Variants in CAMTA1 observed in about 807,000 individuals in gnomAD.
CAMTA1 encodes calmodulin binding transcription activator 1.
CAMTA1 carries 27 observed loss-of-function variants against 170.9 expected under a neutral mutation model. The observed-to-expected ratio is 0.16, with a 90% CI of 0.12 to 0.22. CAMTA1 has a LOEUF of 0.22. Among genes scored for constraint, CAMTA1 ranks in the 10% least tolerant of loss-of-function variants. The pLI is 1.00. For missense variants in CAMTA1, 1,619 were observed against 2,217.2 expected (o/e 0.73, Z 5.42); for synonymous variants, 833 against 891.5 (o/e 0.93, Z 1.17).
At chr1:7,552,889 C>T (rs569317397) in intron 6 of CAMTA1, among the ~76,000 whole-genome samples, 1 of 152,294 alleles carries the variant, frequency 6.6e-6, no homozygotes, top group East Asian at 1.9e-4. Flanking sequence ...CACGGAGAGC[C>T]TCTTACCCTG....
chr1:6,792,037 T>C (rs891650164), intron 1 of CAMTA1, among the ~76,000 whole-genome samples: 3 of 151,806 alleles, frequency 2.0e-5, no homozygotes, highest in Admixed American at 6.6e-5. Flanking sequence ...CCCTGCAACC[T>C]CCGCCTTCCA....
intron 5 of CAMTA1, among the ~76,000 whole-genome samples, chr1:7,445,775 C>T (rs1348736478): frequency 2.6e-5 from 4 of 152,304 alleles, no homozygotes; most frequent in East Asian, 3.9e-4. Flanking sequence ...TCTTCCTAAG[C>T]GATGAACATC....
chr1:7,357,104 G>T (rs955013745), intron 5 of CAMTA1, among the ~76,000 whole-genome samples: 22 of 152,222 alleles, frequency 1.4e-4, no homozygotes, highest in African/African-American at 4.8e-4. Flanking sequence ...GACCCTACTG[G>T]TGCTCTGGTG....
Position 7,664,341 on chromosome 1 carries a change from C to G in CAMTA1, c.1794C>G (p.Ser598Arg). 3 of 1,613,620 alleles carry G rather than the reference C, an allele frequency of 1.9e-6. No individual in the cohort carries two copies. Among genetic ancestry groups the G allele is most frequent in the Non-Finnish European group, 2.5e-6 (3 of 1,180,034 alleles). Reference protein sequence around the residue: ...AIDSNKDYTSSFSQTGHSPHI... With the variant: ...AIDSNKDYTSRFSQTGHSPHI... ...ACTCCAACAAGGACTACACGTCCAG[C>G]TTCAGCCAGACGGGCCACAGCCCCC... The change falls in exon 9 of 23, where the codon AGC becomes AGG. Residue 598 changes from serine to arginine, a missense_variant. By Grantham distance (110) the Ser-to-Arg change is moderately radical. Around this residue, in one of 8 missense-constraint regions of CAMTA1, gnomAD observed 731 missense variants for 907.6 expected, o/e 0.81. Coordinates refer to ENST00000303635, the MANE Select transcript of CAMTA1 (RefSeq NM_015215.4).
In CAMTA1 at chr1:6,972,507, G is replaced by A. The variant is rs547780720; in HGVS notation, c.235-118797G>A. On this transcript the variant is annotated intron_variant, in intron 3 of 22. Transcript: ENST00000303635. ...AGCCTTTATTCATCCCTTGCCTGCC[G>A]TGTGCCAGGCTGCTCTTTCCCAGCA... 5.3e-5 allele frequency among the ~76,000 whole-genome samples: 8 copies of A among 152,234 alleles called. No individual in the cohort carries two copies. The South Asian group carries it at 1.0e-3, about 20-fold the overall frequency.
intron 7 of CAMTA1, among the ~76,000 whole-genome samples, chr1:7,652,773 C>T (rs1044326138): frequency 2.0e-5 from 3 of 152,180 alleles, no homozygotes; most frequent in Non-Finnish European, 4.4e-5. Context: ...TGCCCACCAC[C>T]GAGCTGCTGT....
At chr1:6,871,674 G>C in intron 3 of CAMTA1, 2 of 1,222,888 alleles carry the variant, frequency 1.6e-6, no homozygotes, top group Non-Finnish European at 2.3e-6. Context: ...ATGGGGTTCA[G>C]TTACAGTGGA....
intron 3 of CAMTA1, among the ~76,000 whole-genome samples, chr1:6,855,004 A>G (rs1478686082): frequency 6.6e-6 from 1 of 152,192 alleles, no homozygotes; most frequent in Non-Finnish European, 1.5e-5. Flanking sequence ...TGGAAGTCCT[A>G]CCTAGTTGAG....
chr1:7,503,727 G>T (rs550468127), intron 6 of CAMTA1, among the ~76,000 whole-genome samples: 42 of 152,344 alleles, frequency 2.8e-4, no homozygotes, highest in African/African-American at 9.6e-4. Context: ...TCGATTCTTA[G>T]ATGTGTGGCC....
At chr1:6,916,506 A>C (rs1397874280) in intron 3 of CAMTA1, among the ~76,000 whole-genome samples, 1 of 152,154 alleles carries the variant, frequency 6.6e-6, no homozygotes, top group Non-Finnish European at 1.5e-5. Flanking sequence ...CACACTCCAA[A>C]TCAATTCTCT....
chr1:7,365,061 C>T (rs949468517), intron 5 of CAMTA1, among the ~76,000 whole-genome samples: 3 of 152,220 alleles, frequency 2.0e-5, no homozygotes, highest in African/African-American at 4.8e-5. Context: ...CCCCAGAGTC[C>T]AAGCCCAGGG....
In CAMTA1 at chr1:7,050,203, G is replaced by A. The variant is rs768829227; in HGVS notation, c.235-41101G>A. Among the ~76,000 whole-genome samples the A allele has an allele frequency of 3.2e-4, 48 of 152,220 alleles. No homozygotes were observed. Among genetic ancestry groups the A allele is most frequent in the Non-Finnish European group, 5.1e-4 (35 of 68,032 alleles). ...AGGGCCACGGAGGACTCAGGCGGCT[G>A]TTCCCGGCCTGCACCCTGGTCCTCC... On this transcript the variant is annotated intron_variant, in intron 3 of 22. Coordinates refer to ENST00000303635, the MANE Select transcript of CAMTA1 (RefSeq NM_015215.4). The surrounding 1 kb of genome is among the most constrained non-coding windows in gnomAD (Gnocchi z 4.8).
At chr1:7,401,087 T>A (rs558879112) in intron 5 of CAMTA1, among the ~76,000 whole-genome samples, 76 of 152,356 alleles carry the variant, frequency 5.0e-4, no homozygotes, top group East Asian at 1.2e-3. Context: ...ATCTAAGCAA[T>A]CTTTGCCTCA....
intron 3 of CAMTA1, among the ~76,000 whole-genome samples, chr1:6,825,905 G>A (rs1647046751): frequency 6.6e-6 from 1 of 152,066 alleles, no homozygotes. Context: ...GGTAATACCC[G>A]TTTAGTGTGG....
intron 5 of CAMTA1, among the ~76,000 whole-genome samples, chr1:7,414,673 C>T (rs529766217): frequency 2.6e-5 from 4 of 151,940 alleles, no homozygotes; most frequent in Admixed American, 6.6e-5. Flanking sequence ...TTCTTGCTAG[C>T]GGTCTATCAA....
rs1010625949 is a variant in CAMTA1 at position 6,918,619 on chromosome 1, G to A, written c.234+93409G>A. On this transcript the variant is annotated intron_variant, in intron 3 of 22. Coordinates refer to ENST00000303635, the MANE Select transcript of CAMTA1 (RefSeq NM_015215.4). This position sits in a 1 kb window ranked among gnomAD's most constrained non-coding sequence, Gnocchi z 4.0. Reference sequence around the variant, plus strand: ...GCCTGCCTTGCCGACAGCACCTCCCGAGGAACTCAGAACTTCCCCCGTGGG... The same window carrying A: ...GCCTGCCTTGCCGACAGCACCTCCCAAGGAACTCAGAACTTCCCCCGTGGG... Among the ~76,000 whole-genome samples, 2 of 152,190 alleles carry A rather than the reference G, an allele frequency of 1.3e-5. No homozygotes were observed. The highest frequency in any genetic ancestry group is 4.8e-5 in the African/African-American group (2 of 41,446).
intron 5 of CAMTA1, among the ~76,000 whole-genome samples, chr1:7,424,695 C>A (rs1303963541): frequency 2.0e-5 from 3 of 152,140 alleles, no homozygotes; most frequent in Non-Finnish European, 2.9e-5. Context: ...ATGCTCCAGG[C>A]TCCTGGGAGG....
At chr1:7,622,359 A>G (rs532477917) in intron 6 of CAMTA1, among the ~76,000 whole-genome samples, 1 of 152,356 alleles carries the variant, frequency 6.6e-6, no homozygotes, top group East Asian at 1.9e-4. Flanking sequence ...TTCCACTTGG[A>G]TGTGTGATTC....
At chr1:7,401,230 G>T (rs1343577786) in intron 5 of CAMTA1, among the ~76,000 whole-genome samples, 1 of 151,986 alleles carries the variant, frequency 6.6e-6, no homozygotes. Flanking sequence ...TTAATGTATG[G>T]GTATACAAAT....
Sources: allele counts gnomAD v4.1 joint callset (sites outside exome capture counted in the v4.1 genomes callset), GRCh38; gene constraint gnomAD v4.1.1; regional missense constraint gnomAD v4.1.1; non-coding constraint Gnocchi (gnomAD v3.1); transcripts MANE v1.5; gene names NCBI Gene and HGNC (gene_info 2026-07-23, HGNC 2026-07-21).